Variants in RPS6KA2 observed in about 807,000 individuals in gnomAD.
RPS6KA2 encodes the protein ribosomal protein S6 kinase alpha-2.
Under a neutral mutation model 91.8 loss-of-function variants are expected in RPS6KA2, and 42 were observed. The ratio of observed to expected loss-of-function variants is 0.46; its 90% CI spans 0.36 to 0.59. The LOEUF (loss-of-function observed/expected upper bound fraction) is 0.59. RPS6KA2 is among the 20% of genes least tolerant of loss of function. The pLI, the probability that RPS6KA2 is intolerant of heterozygous loss-of-function variation, is 0.00. For synonymous variants in RPS6KA2, 414 were observed against 393.6 expected (o/e 1.05, Z -0.61); for missense variants, 798 against 978.5 (o/e 0.82, Z 2.46).
At chr6:166,799,938 G>A (rs1477076362) in intron 2 of RPS6KA2, among the ~76,000 whole-genome samples, 1 of 152,168 alleles carries the variant, frequency 6.6e-6, no homozygotes, top group Non-Finnish European at 1.5e-5. Flanking sequence ...CCCAGTAACA[G>A]GTCATGGCTG....
intron 10 of RPS6KA2, among the ~76,000 whole-genome samples, chr6:166,479,556 T>C (rs1220924434): frequency 6.6e-6 from 1 of 152,236 alleles, no homozygotes; most frequent in African/African-American, 2.4e-5. Flanking sequence ...GGTGGCAGCA[T>C]GGTCCTGCTA....
At chr6:166,551,576 T>C (rs1428736363) in intron 1 of RPS6KA2, among the ~76,000 whole-genome samples, 1 of 152,228 alleles carries the variant, frequency 6.6e-6, no homozygotes, top group African/African-American at 2.4e-5. Context: ...GTTGAAAAGA[T>C]GAAACTTTTG....
chr6:166,857,018 A>AAAGGCAGCTGGATAAACGT (rs1403105205), intron 2 of RPS6KA2, among the ~76,000 whole-genome samples: 5 of 152,226 alleles, frequency 3.3e-5, no homozygotes, highest in Admixed American at 2.6e-4. Flanking sequence ...CACAGAACCG[A>AAAGGCAGCTGGATAAACGT]AAGGCAGCTG....
At chr6:166,677,161 G>A (rs998182941) in intron 2 of RPS6KA2, among the ~76,000 whole-genome samples, 2 of 152,178 alleles carry the variant, frequency 1.3e-5, no homozygotes, top group Non-Finnish European at 2.9e-5. Flanking sequence ...GCTTGAGGTA[G>A]TACTAGGATG....
chr6:166,833,219 A>G (rs1312992319), intron 2 of RPS6KA2, among the ~76,000 whole-genome samples: 1 of 152,248 alleles, frequency 6.6e-6, no homozygotes, highest in Admixed American at 6.5e-5. Context: ...AGGTGATCTG[A>G]TGGAAGAAAC....
At chr6:166,525,539 A>C (rs1361164590) in intron 3 of RPS6KA2, among the ~76,000 whole-genome samples, 3 of 152,164 alleles carry the variant, frequency 2.0e-5, no homozygotes, top group Non-Finnish European at 2.9e-5. Flanking sequence ...GAGCCGTCGG[A>C]AGCCATTATC....
intron 13 of RPS6KA2, among the ~76,000 whole-genome samples, chr6:166,449,232 C>T (rs552736563): frequency 5.3e-5 from 8 of 152,264 alleles, no homozygotes; most frequent in East Asian, 1.9e-4. Flanking sequence ...AACATCTCAT[C>T]GGAAATCTGA....
At chr6:166,507,536 C>T (rs1472185535) in intron 5 of RPS6KA2, among the ~76,000 whole-genome samples, 6 of 151,056 alleles carry the variant, frequency 4.0e-5, no homozygotes, top group African/African-American at 1.2e-4. Context: ...ACACATACCA[C>T]ATATAGCACA....
intron 2 of RPS6KA2, among the ~76,000 whole-genome samples, chr6:166,638,781 G>A (rs186570561): frequency 3.5e-4 from 53 of 152,298 alleles, no homozygotes; most frequent in Middle Eastern, 6.8e-3. Context: ...CCGGCATCTC[G>A]TGGGTTGAGG....
intron 10 of RPS6KA2, among the ~76,000 whole-genome samples, chr6:166,481,985 C>T (rs183700769): frequency 3.4e-5 from 5 of 148,656 alleles, no homozygotes; most frequent in East Asian, 2.0e-4. Context: ...GCAGACTGCA[C>T]GTATACCTCT....
Position 166,620,790 on chromosome 6 carries a change from T to C in RPS6KA2, c.99+6131A>G, listed in dbSNP as rs150911380. On this transcript the variant is annotated intron_variant, in intron 1 of 20. Transcript: ENST00000265678. ...TTAATAAATTGCAGATAACCCTTAT[T>C]ACAGGGTTACCCCTATTTTGTAGCT... Among the ~76,000 whole-genome samples the C allele has an allele frequency of 1.1e-3, 168 of 152,328 alleles. 1 individual carries two copies. The Middle Eastern group carries it at 0.024, about 22-fold the overall frequency.
chr6:166,816,282 A>C (rs1024490859), intron 2 of RPS6KA2, among the ~76,000 whole-genome samples: 2 of 151,892 alleles, frequency 1.3e-5, no homozygotes, highest in Non-Finnish European at 2.9e-5. Flanking sequence ...GTGGCGGCTT[A>C]CACCTGTAAT....
At chr6:166,686,573 T>C (rs1040911366) in intron 2 of RPS6KA2, among the ~76,000 whole-genome samples, 15 of 152,180 alleles carry the variant, frequency 9.9e-5, no homozygotes, top group African/African-American at 3.6e-4. Flanking sequence ...CTGCAGCCCA[T>C]GTGGCTTAGC....
At chr6:166,540,061 G>A (rs1783607378) in intron 1 of RPS6KA2, among the ~76,000 whole-genome samples, 1 of 152,168 alleles carries the variant, frequency 6.6e-6, no homozygotes, top group Non-Finnish European at 1.5e-5. Flanking sequence ...GTGAAGTGGA[G>A]ATTTTCTCCT....
rs950600557 is a variant in RPS6KA2, at chr6:166,603,961, G to A, written c.99+22960C>T. 8.5e-5 allele frequency among the ~76,000 whole-genome samples: 13 copies of A among 152,140 alleles called. No individual in the cohort carries two copies. Among genetic ancestry groups the A allele is most frequent in the Non-Finnish European group, 1.6e-4 (11 of 68,030 alleles). On this transcript the variant is annotated intron_variant, in intron 1 of 20. Coordinates refer to ENST00000265678, the MANE Select transcript of RPS6KA2 (RefSeq NM_021135.6). This position sits in a 1 kb window ranked among gnomAD's most constrained non-coding sequence, Gnocchi z 4.3. Reference sequence around the variant, plus strand: ...TGAGAGCTAAGAACTTCTCCAACTCGTCCTAACGTGTCCCTCCTAGAAGTC... The same window carrying A: ...TGAGAGCTAAGAACTTCTCCAACTCATCCTAACGTGTCCCTCCTAGAAGTC...
chr6:166,601,886 C>G (rs1785743559), intron 1 of RPS6KA2, among the ~76,000 whole-genome samples: 1 of 152,158 alleles, frequency 6.6e-6, no homozygotes, highest in African/African-American at 2.4e-5. Context: ...AAGGATGAAT[C>G]AATTCAGCTG....
intron 2 of RPS6KA2, among the ~76,000 whole-genome samples, chr6:166,644,294 T>C (rs1183443589): frequency 2.0e-5 from 3 of 152,174 alleles, no homozygotes; most frequent in East Asian, 3.8e-4. Context: ...AGGGCACAGA[T>C]GTTATATTCA....
At position 166,554,224 on chromosome 6, in the gene RPS6KA2, AATG is replaced by A. The variant is rs763751114; in HGVS notation, c.100-15443_100-15441del. ...TTATTAGACTTAGAGCTTTTCAAATAATGATGACCTGAGAAGCGACTGCTACCC... is the reference window on the plus strand; with the variant it reads ...TTATTAGACTTAGAGCTTTTCAAATAATGACCTGAGAAGCGACTGCTACCC... On this transcript the variant is annotated intron_variant, in intron 1 of 20. Coordinates refer to ENST00000265678, the MANE Select transcript of RPS6KA2 (RefSeq NM_021135.6). This position sits in a 1 kb window ranked among gnomAD's most constrained non-coding sequence, Gnocchi z 4.3. Among the ~76,000 whole-genome samples the A allele has an allele frequency of 1.2e-3, 178 of 152,360 alleles. 2 individuals carry two copies. Among genetic ancestry groups the A allele is most frequent in the Middle Eastern group, 3.4e-3 (1 of 294 alleles).
At chr6:166,507,112 C>A (rs148486446) in intron 5 of RPS6KA2, among the ~76,000 whole-genome samples, 3 of 152,146 alleles carry the variant, frequency 2.0e-5, no homozygotes, top group East Asian at 3.9e-4. Flanking sequence ...TCCCGAACAG[C>A]CCCAATGTTC....
Sources: gnomAD v4.1 joint callset for allele counts (sites outside exome capture counted in the v4.1 genomes callset) on GRCh38, gnomAD v4.1.1 for gene constraint, Gnocchi (gnomAD v3.1) non-coding constraint, MANE v1.5 for transcripts, NCBI Gene and HGNC (gene_info 2026-07-23, HGNC 2026-07-21) for gene names.